TCF4: variants seen among roughly 807,000 people sequenced by gnomAD.
The protein encoded by TCF4 is SL3-3 enhancer factor 2.
Under a neutral mutation model 82.1 loss-of-function variants are expected in TCF4, and 3 were observed. The ratio of observed to expected loss-of-function variants is 0.04; its 90% CI spans 0.02 to 0.09. The LOEUF (loss-of-function observed/expected upper bound fraction) is 0.09, where lower values mean the gene tolerates loss of function less well. Among genes scored for constraint, TCF4 ranks in the 10% least tolerant of loss-of-function variants. TCF4 has a pLI of 1.00. For missense variants in TCF4, 518 were observed against 852.7 expected (o/e 0.61, Z 4.89); for synonymous variants, 276 against 309.6 (o/e 0.89, Z 1.14).
chr18:55,288,102 A>T (rs2064119101), intron 8 of TCF4, among the ~76,000 whole-genome samples: 1 of 152,234 alleles, frequency 6.6e-6, no homozygotes, highest in African/African-American at 2.4e-5. Flanking sequence ...CAAAACTGCC[A>T]GGAGAGATGT....
chr18:55,284,611 C>T (rs950724440), intron 8 of TCF4, among the ~76,000 whole-genome samples: 3 of 152,130 alleles, frequency 2.0e-5, no homozygotes, highest in South Asian at 2.1e-4. Flanking sequence ...CACTCCTCCA[C>T]GTTACTACCC....
rs116487742 is a variant in TCF4, at chr18:55,330,512, G to T, written c.549+19847C>A. ...TCTTTAACTAATCAACTGCTCATAT[G>T]TTCTGCAATAAACATATGTCTACTT... On this transcript the variant is annotated intron_variant, in intron 8 of 19. Transcript: ENST00000354452. 6.2e-3 allele frequency among the ~76,000 whole-genome samples: 944 copies of T among 151,930 alleles called. 11 individuals are homozygous for T. The highest frequency in any genetic ancestry group is 0.022 in the African/African-American group (916 of 41,414).
intron 3 of TCF4, among the ~76,000 whole-genome samples, chr18:55,473,608 TG>T (rs2096231885): frequency 6.6e-6 from 1 of 152,222 alleles, no homozygotes; most frequent in Non-Finnish European, 1.5e-5. Flanking sequence ...GACCTGGCAA[TG>T]ACAAATGATC....
At chr18:55,236,794 C>T (rs1055374015) in intron 15 of TCF4, among the ~76,000 whole-genome samples, 9 of 152,134 alleles carry the variant, frequency 5.9e-5, no homozygotes, top group Non-Finnish European at 1.2e-4. Flanking sequence ...AATAATTCTT[C>T]GTGCTGATTC....
At chr18:55,479,261 A>C (rs1295947833) in intron 3 of TCF4, 4 of 153,398 alleles carry the variant, frequency 2.6e-5, no homozygotes, top group Admixed American at 2.0e-4. Context: ...ATGAAGACCC[A>C]ATGTCTTCAT....
At chr18:55,588,432 G>A, upstream of TCF4, 1 of 1,524,018 alleles carries the variant, frequency 6.6e-7, no homozygotes, top group Non-Finnish European at 8.7e-7. Context: ...CACCTCCCCC[G>A]CCTCGCCAAA....
chr18:55,315,632 A>G (rs1443709771), intron 8 of TCF4, among the ~76,000 whole-genome samples: 1 of 152,168 alleles, frequency 6.6e-6, no homozygotes, highest in Non-Finnish European at 1.5e-5. Flanking sequence ...TCAGAAGAAA[A>G]AAATTGTTTT....
At chr18:55,304,547 C>T (rs1018089927) in intron 8 of TCF4, among the ~76,000 whole-genome samples, 1 of 152,072 alleles carries the variant, frequency 6.6e-6, no homozygotes, top group African/African-American at 2.4e-5. Flanking sequence ...TTAAAAAAAA[C>T]TGTCCCAACT....
chr18:55,592,160 C>T (rs1190497897), upstream of TCF4, among the ~76,000 whole-genome samples: 4 of 152,124 alleles, frequency 2.6e-5, no homozygotes, highest in African/African-American at 7.2e-5. Context: ...GGGTAGTAGG[C>T]ATGTTTTGGG....
chr18:55,447,992 T>C (rs2095555679), intron 5 of TCF4, among the ~76,000 whole-genome samples: 1 of 109,864 alleles, frequency 9.1e-6, no homozygotes, highest in Non-Finnish European at 1.8e-5. Flanking sequence ...TATTGTTTTG[T>C]GGGGGGATGA....
At chr18:55,553,694 A>G (rs1445839243) in intron 3 of TCF4, among the ~76,000 whole-genome samples, 2 of 152,238 alleles carry the variant, frequency 1.3e-5, no homozygotes, top group East Asian at 1.9e-4. Context: ...ATGATGTATC[A>G]TAACATTCAA....
At chr18:55,313,817 C>T (rs564313038) in intron 8 of TCF4, among the ~76,000 whole-genome samples, 19 of 152,258 alleles carry the variant, frequency 1.2e-4, no homozygotes, top group African/African-American at 4.6e-4. Context: ...TAATGTTACA[C>T]AACTTTTTCA....
At chr18:55,302,693 G>A (rs372897910) in intron 8 of TCF4, 16 of 1,320,770 alleles carry the variant, frequency 1.2e-5, no homozygotes, top group East Asian at 5.3e-5. Flanking sequence ...GGATGAGACC[G>A]GGAGGAGGGC....
intron 3 of TCF4, among the ~76,000 whole-genome samples, chr18:55,466,006 T>C (rs926907920): frequency 6.6e-6 from 1 of 152,150 alleles, no homozygotes; most frequent in South Asian, 2.1e-4. Context: ...ACATGAAAAG[T>C]AGGCAGAGAC....
rs57686777 is a variant in TCF4 at position 55,538,026 on chromosome 18, GCACACACACA to G, written c.145+47244_145+47253del. ...CTGGATTTTGCTAGTCTGCGCGCGC[GCACACACACA>G]CACACACACACACACACACACACAC... On this transcript the variant is annotated intron_variant, in intron 3 of 19. Coordinates refer to ENST00000354452, the MANE Select transcript of TCF4 (RefSeq NM_001083962.2). 1.9e-3 allele frequency among the ~76,000 whole-genome samples: 255 copies of G among 131,576 alleles called. 1 individual carries two copies. Among genetic ancestry groups the G allele is most frequent in the African/African-American group, 5.2e-3 (196 of 37,352 alleles). The allele number at this position is 131,576 out of a possible 152,430, so 86.3% of individuals were successfully genotyped here.
chr18:55,554,117 G>A (rs968749906), intron 3 of TCF4, among the ~76,000 whole-genome samples: 1 of 152,000 alleles, frequency 6.6e-6, no homozygotes, highest in Non-Finnish European at 1.5e-5. Flanking sequence ...AAATCTCAAA[G>A]TCAGCATAGT....
intron 8 of TCF4, among the ~76,000 whole-genome samples, chr18:55,346,089 T>C (rs2081114459): frequency 6.6e-6 from 1 of 152,132 alleles, no homozygotes; most frequent in Non-Finnish European, 1.5e-5. Context: ...AATCTTCAAA[T>C]AGGAAAGTTT....
chr18:55,529,540 T>C (rs2097033579), intron 3 of TCF4, among the ~76,000 whole-genome samples: 1 of 152,198 alleles, frequency 6.6e-6, no homozygotes, highest in Non-Finnish European at 1.5e-5. Flanking sequence ...AAGTTAGTTA[T>C]GCCTCCAATT....
chr18:55,363,516 T>C (rs2086029688), intron 6 of TCF4, among the ~76,000 whole-genome samples: 1 of 152,136 alleles, frequency 6.6e-6, no homozygotes, highest in Admixed American at 6.6e-5. Context: ...TTTCAAAACA[T>C]TACCCAGCTG....
Sources: allele counts gnomAD v4.1 joint callset (sites outside exome capture counted in the v4.1 genomes callset), GRCh38; gene constraint gnomAD v4.1.1; transcripts MANE v1.5; gene names NCBI Gene and HGNC (gene_info 2026-07-23, HGNC 2026-07-21).